TULP4: variants seen among roughly 807,000 people sequenced by gnomAD.
The protein encoded by TULP4 is TUB like protein 4.
In TULP4, 16 loss-of-function variants were observed where a neutral mutation model predicts 129.0. The ratio of observed to expected loss-of-function variants is 0.12; its 90% CI spans 0.08 to 0.19. The LOEUF (loss-of-function observed/expected upper bound fraction) is 0.19, where lower values mean the gene tolerates loss of function less well. Among genes scored for constraint, TULP4 ranks in the 10% least tolerant of loss-of-function variants. The pLI, the probability that TULP4 is intolerant of heterozygous loss-of-function variation, is 1.00. For synonymous variants in TULP4, 998 were observed against 854.0 expected (o/e 1.17, Z -2.94); for missense variants, 1,842 against 2,059.1 (o/e 0.89, Z 2.04).
rs1010046898 is a variant in TULP4 at position 158,429,787 on chromosome 6, C to A, written c.433C>A (p.Arg145=). Residue 145 remains arginine, a synonymous_variant, in exon 3 of 14, where the codon CGA becomes AGA. Coordinates refer to ENST00000367097, the MANE Select transcript of TULP4 (RefSeq NM_020245.5). Reference sequence around the variant, plus strand: ...TGGAACTCAAGCACTTATTTCCTATCGAGATGGGTTTGTCCTGGTTGGGTC... The same window carrying A: ...TGGAACTCAAGCACTTATTTCCTATAGAGATGGGTTTGTCCTGGTTGGGTC... ...HDGTQALISY[R]DGFVLVGSVS... is the part of the protein sequence containing the mutation. 1.9e-6 allele frequency: 3 copies of A among 1,613,844 alleles called. No individual in the cohort carries two copies. Among genetic ancestry groups the A allele is most frequent in the Non-Finnish European group, 2.5e-6 (3 of 1,179,958 alleles).
At chr6:158,308,562 T>G (rs1228609797), upstream of TULP4, among the ~76,000 whole-genome samples, 2 of 151,338 alleles carry the variant, frequency 1.3e-5, no homozygotes, top group Admixed American at 6.6e-5. Flanking sequence ...GGCTCTTCAC[T>G]TCCCAGTAGG....
At chr6:158,482,048 T>C (rs565586391) in intron 8 of TULP4, among the ~76,000 whole-genome samples, 2 of 152,322 alleles carry the variant, frequency 1.3e-5, no homozygotes, top group African/African-American at 2.4e-5. Flanking sequence ...CGCTTAGTCA[T>C]TGTGCTCCAG....
At chr6:158,285,993 A>T (rs534669937) in intron 1 of TULP4, among the ~76,000 whole-genome samples, 2 of 152,234 alleles carry the variant, frequency 1.3e-5, no homozygotes, top group Non-Finnish European at 2.9e-5. Flanking sequence ...TTTGCAAGTA[A>T]AAAAGATGGC....
chr6:158,336,729 A>G (rs1438967578), intron 1 of TULP4, among the ~76,000 whole-genome samples: 1 of 152,218 alleles, frequency 6.6e-6, no homozygotes, highest in South Asian at 2.1e-4. Flanking sequence ...AGAGATAACT[A>G]ACTATTCAGG....
intron 5 of TULP4, among the ~76,000 whole-genome samples, chr6:158,458,908 A>T (rs1779353974): frequency 6.6e-6 from 1 of 152,222 alleles, no homozygotes; most frequent in East Asian, 1.9e-4. Flanking sequence ...CTAGTACTTT[A>T]TGAGATAGCC....
At chr6:158,259,098 T>C (rs2114398) in intron 1 of TULP4, among the ~76,000 whole-genome samples, 49,750 of 151,720 alleles carry the variant, frequency 0.33, 9,093 homozygotes, top group Admixed American at 0.45. Context: ...AGGGTGGTGG[T>C]GCGTGCCTGT....
chr6:158,296,055 A>G (rs1562509181), intron 1 of TULP4, among the ~76,000 whole-genome samples: 1 of 152,214 alleles, frequency 6.6e-6, no homozygotes, highest in African/African-American at 2.4e-5. Context: ...AACTGATAAA[A>G]TTAGTTTGGC....
At chr6:158,433,378 C>T (rs1266013197) in intron 3 of TULP4, among the ~76,000 whole-genome samples, 5 of 152,296 alleles carry the variant, frequency 3.3e-5, no homozygotes, top group Non-Finnish European at 7.3e-5. Flanking sequence ...TGTATAATGT[C>T]TCATCCTAGT....
At chr6:158,491,066 C>G (rs1183404056) in intron 9 of TULP4, among the ~76,000 whole-genome samples, 2 of 152,136 alleles carry the variant, frequency 1.3e-5, no homozygotes, top group African/African-American at 4.8e-5. Context: ...GGTCATGGGT[C>G]AGATACATGT....
chr6:158,450,432 C>T (rs1779140388), intron 4 of TULP4, among the ~76,000 whole-genome samples: 1 of 152,156 alleles, frequency 6.6e-6, no homozygotes, highest in South Asian at 2.1e-4. Context: ...GCAGCAGACA[C>T]GTATGTGTGT....
intron 5 of TULP4, among the ~76,000 whole-genome samples, chr6:158,453,836 C>G (rs1000689397): frequency 2.6e-5 from 4 of 151,142 alleles, no homozygotes; most frequent in African/African-American, 7.3e-5. Context: ...GCCTATAGTC[C>G]CAGCTACTTG....
intron 6 of TULP4, among the ~76,000 whole-genome samples, chr6:158,472,446 A>C (rs548289700): frequency 1.3e-5 from 2 of 152,344 alleles, no homozygotes; most frequent in South Asian, 4.1e-4. Context: ...GGTCCATTTC[A>C]ACCATTGAAA....
chr6:158,256,020 G>T (rs986621859), intron 1 of TULP4, among the ~76,000 whole-genome samples: 1 of 150,692 alleles, frequency 6.6e-6, no homozygotes, highest in Admixed American at 6.6e-5. Flanking sequence ...CCTGTTATAG[G>T]TTTAAGTACT....
intron 4 of TULP4, among the ~76,000 whole-genome samples, chr6:158,449,734 A>T (rs1779126947): frequency 6.6e-6 from 1 of 151,990 alleles, no homozygotes; most frequent in Admixed American, 6.6e-5. Context: ...GCCTCTCTGT[A>T]TACTCCAGTT....
chr6:158,355,926 A>G (rs1355303158), intron 1 of TULP4, among the ~76,000 whole-genome samples: 2 of 152,210 alleles, frequency 1.3e-5, no homozygotes, highest in African/African-American at 2.4e-5. Flanking sequence ...TTTCATTTAT[A>G]TGAAACTCTA....
intron 1 of TULP4, among the ~76,000 whole-genome samples, chr6:158,236,958 G>A (rs1037601401): frequency 2.7e-4 from 41 of 151,482 alleles, no homozygotes; most frequent in African/African-American, 7.3e-4. Context: ...CTACAGGTGC[G>A]TGCCACCACA....
chr6:158,309,567 C>T (rs952414349), upstream of TULP4, among the ~76,000 whole-genome samples: 7 of 152,018 alleles, frequency 4.6e-5, no homozygotes, highest in South Asian at 2.1e-4. Flanking sequence ...TGTAGCAAGC[C>T]GAGATCATGC....
intron 1 of TULP4, among the ~76,000 whole-genome samples, chr6:158,297,437 G>T (rs560190493): frequency 6.6e-6 from 1 of 152,030 alleles, no homozygotes; most frequent in East Asian, 1.9e-4. Flanking sequence ...ACAGGGTCCC[G>T]AGGTGATGTA....
chr6:158,423,113 A>C (rs1778388563), intron 2 of TULP4, among the ~76,000 whole-genome samples: 1 of 57,228 alleles, frequency 1.7e-5, no homozygotes, highest in African/African-American at 6.8e-5. Flanking sequence ...CCCTTCCTCC[A>C]CAAAAAAGAG....
Sources: allele counts gnomAD v4.1 joint callset (sites outside exome capture counted in the v4.1 genomes callset), GRCh38; gene constraint gnomAD v4.1.1; transcripts MANE v1.5; gene names NCBI Gene and HGNC (gene_info 2026-07-23, HGNC 2026-07-21).